The following NUBPL variants were observed in gnomAD, a reference collection of about 807,000 sequenced individuals.
The protein encoded by NUBPL is NUBP iron-sulfur cluster assembly factor, mitochondrial.
A neutral mutation model predicts 45.7 loss-of-function variants in NUBPL; 31 were observed. The observed-to-expected ratio is 0.68, with a 90% CI of 0.51 to 0.92. NUBPL has a LOEUF of 0.92. Among genes scored for constraint, NUBPL ranks in the 40% least tolerant of loss-of-function variants. NUBPL has a pLI of 0.00. For missense variants in NUBPL, 401 were observed against 398.7 expected (o/e 1.01, Z -0.05); for synonymous variants, 144 against 140.9 (o/e 1.02, Z -0.15).
intron 7 of NUBPL, among the ~76,000 whole-genome samples, chr14:31,816,799 T>C (rs1300964069): frequency 6.6e-6 from 1 of 152,156 alleles, no homozygotes; most frequent in Admixed American, 6.6e-5. Context: ...CCAGTAATCA[T>C]TCAGGAGCAT....
intron 6 of NUBPL, among the ~76,000 whole-genome samples, chr14:31,772,959 G>C (rs2039035385): frequency 6.6e-6 from 1 of 152,030 alleles, no homozygotes; most frequent in Non-Finnish European, 1.5e-5. Flanking sequence ...GATTAGGGAA[G>C]AACATTTATA....
intron 3 of NUBPL, among the ~76,000 whole-genome samples, chr14:31,585,908 G>A (rs1333435491): frequency 6.6e-6 from 1 of 152,184 alleles, no homozygotes; most frequent in Non-Finnish European, 1.5e-5. Flanking sequence ...GCATATACAA[G>A]TAAGTATTTT....
intron 6 of NUBPL, among the ~76,000 whole-genome samples, chr14:31,752,048 ACAAAAC>A (rs1642850013): frequency 6.6e-6 from 1 of 152,168 alleles, no homozygotes; most frequent in Non-Finnish European, 1.5e-5. Context: ...GGCCCCACCC[ACAAAAC>A]CATTTTTCCT....
At chr14:31,623,474 C>A (rs1465378465) in intron 4 of NUBPL, among the ~76,000 whole-genome samples, 1 of 152,144 alleles carries the variant, frequency 6.6e-6, no homozygotes, top group Non-Finnish European at 1.5e-5. Flanking sequence ...AGTGTCCCCA[C>A]CCAGATCTCA....
intron 6 of NUBPL, chr14:31,771,887 A>C (rs2039015735): frequency 1.0e-6 from 1 of 985,134 alleles, no homozygotes; most frequent in Admixed American, 6.2e-5. Context: ...GGTGGAACTG[A>C]GGAATAAACT....
At chr14:31,747,300 T>A (rs2038422434) in intron 6 of NUBPL, among the ~76,000 whole-genome samples, 1 of 151,340 alleles carries the variant, frequency 6.6e-6, no homozygotes, top group African/African-American at 2.5e-5. Flanking sequence ...CACGCCCAGC[T>A]AATATTTTTT....
intron 4 of NUBPL, among the ~76,000 whole-genome samples, chr14:31,619,940 TA>T (rs1344369127): frequency 2.6e-5 from 4 of 152,122 alleles, no homozygotes; most frequent in Non-Finnish European, 5.9e-5. Context: ...AGATTTGGCC[TA>T]TTTACATAGT....
intron 3 of NUBPL, among the ~76,000 whole-genome samples, chr14:31,580,685 C>T (rs1295802945): frequency 2.0e-5 from 3 of 152,142 alleles, no homozygotes; most frequent in Non-Finnish European, 4.4e-5. Context: ...GAGGAGATCT[C>T]TGAAGACATG....
chr14:31,706,235 A>G (rs4981116), intron 6 of NUBPL, among the ~76,000 whole-genome samples: 83,445 of 151,954 alleles, frequency 0.55, 25,099 homozygotes, highest in African/African-American at 0.82. Context: ...GGATAGGGGC[A>G]AAGAAGGGGC....
intron 6 of NUBPL, among the ~76,000 whole-genome samples, chr14:31,726,894 C>G (rs1023863352): frequency 2.8e-4 from 42 of 151,966 alleles, no homozygotes; most frequent in African/African-American, 8.7e-4. Context: ...AAGGGGCTGT[C>G]CTGTACATTG....
intron 4 of NUBPL, among the ~76,000 whole-genome samples, chr14:31,623,440 T>C (rs918351943): frequency 1.3e-5 from 2 of 152,152 alleles, no homozygotes; most frequent in African/African-American, 4.8e-5. Flanking sequence ...TGGGTGGGGC[T>C]GGGGGAATGA....
chr14:31,616,507 A>G (rs1595373169), intron 4 of NUBPL, among the ~76,000 whole-genome samples: 2 of 136,972 alleles, frequency 1.5e-5, no homozygotes, highest in Non-Finnish European at 3.3e-5. Context: ...GTTTTTTTTT[A>G]ACACTGTTTA....
chr14:31,747,092 A>AT (rs1287092325), intron 6 of NUBPL, among the ~76,000 whole-genome samples: 15 of 149,962 alleles, frequency 1.0e-4, no homozygotes, highest in African/African-American at 3.7e-4. Context: ...AAAAAAAAAA[A>AT]AGAGTTTGAT....
intron 3 of NUBPL, among the ~76,000 whole-genome samples, chr14:31,567,985 G>A (rs8017575): frequency 6.6e-6 from 1 of 152,120 alleles, no homozygotes; most frequent in Non-Finnish European, 1.5e-5. Flanking sequence ...TTCTAGTGTG[G>A]TTATGGTTTT....
intron 8 of NUBPL, among the ~76,000 whole-genome samples, chr14:31,836,576 A>T (rs2040284932): frequency 6.6e-6 from 1 of 152,224 alleles, no homozygotes; most frequent in Non-Finnish European, 1.5e-5. Context: ...TTTAATGAAC[A>T]AAACTGTAAT....
At chr14:31,654,568 C>G (rs2139751075) in intron 4 of NUBPL, among the ~76,000 whole-genome samples, 2 of 152,196 alleles carry the variant, frequency 1.3e-5, no homozygotes, top group African/African-American at 4.8e-5. Context: ...GCCACCACAC[C>G]TGGCTAATTT....
At chr14:31,602,000 C>T (rs2034447048) in intron 4 of NUBPL, among the ~76,000 whole-genome samples, 1 of 152,156 alleles carries the variant, frequency 6.6e-6, no homozygotes, top group Non-Finnish European at 1.5e-5. Context: ...AGATGTCCAA[C>T]AATGATAGAC....
intron 3 of NUBPL, among the ~76,000 whole-genome samples, chr14:31,574,611 G>A (rs1329705383): frequency 1.0e-5 from 1 of 99,202 alleles, no homozygotes; most frequent in Non-Finnish European, 1.9e-5. Context: ...TTTTTGGAGA[G>A]ATGGAGTCTT....
intron 9 of NUBPL, among the ~76,000 whole-genome samples, chr14:31,849,505 T>G (rs1419105413): frequency 6.6e-6 from 1 of 152,122 alleles, no homozygotes; most frequent in African/African-American, 2.4e-5. Flanking sequence ...TCAGTCTGTA[T>G]TTTGGAGGTT....
Sources: allele counts gnomAD v4.1 joint callset (sites outside exome capture counted in the v4.1 genomes callset), GRCh38; gene constraint gnomAD v4.1.1; transcripts MANE v1.5; gene names NCBI Gene and HGNC (gene_info 2026-07-23, HGNC 2026-07-21).